The following TBC1D1 variants were observed in gnomAD, a reference collection of about 807,000 sequenced individuals.
TBC1D1 encodes the protein TBC1 (tre-2/USP6, BUB2, cdc16) domain family, member 1.
In TBC1D1, 89 loss-of-function variants were observed where a neutral mutation model predicts 125.6. The ratio of observed to expected loss-of-function variants is 0.71; its 90% CI spans 0.60 to 0.85. The LOEUF is 0.85. TBC1D1 is among the 40% of genes least tolerant of loss of function. The pLI, the probability that TBC1D1 is intolerant of heterozygous loss-of-function variation, is 0.00. For missense variants in TBC1D1, 1,377 were observed against 1,469.2 expected, an observed-to-expected ratio of 0.94 and a Z score of 1.03; for synonymous variants, 565 against 564.1, an observed-to-expected ratio of 1.00 and a Z score of -0.02.
chr4:38,083,693 C>A (rs1029957258), intron 12 of TBC1D1, among the ~76,000 whole-genome samples: 5 of 152,176 alleles, frequency 3.3e-5, no homozygotes, highest in Non-Finnish European at 5.9e-5. Context: ...GGTTGAGTAG[C>A]TAGATCATGG....
At chr4:37,928,403 T>G (rs1171413765) in intron 2 of TBC1D1, among the ~76,000 whole-genome samples, 1 of 152,222 alleles carries the variant, frequency 6.6e-6, no homozygotes, top group African/African-American at 2.4e-5. Flanking sequence ...TTTTCCCTCT[T>G]GGACAGGATA....
intron 19 of TBC1D1, among the ~76,000 whole-genome samples, chr4:38,135,928 G>A (rs1026419022): frequency 7.1e-5 from 9 of 127,112 alleles, no homozygotes; most frequent in Admixed American, 1.5e-4. Context: ...GTGTATATGT[G>A]TGTGTGTGTG....
Position 38,062,846 on chromosome 4 carries a change from A to G in TBC1D1, c.2050+8508A>G, listed in dbSNP as rs148544361. ...GCTAAGGTTATTGGTGACACAAGATAGCACCTGAGCCAGTGCTGCTTGGTA... is the reference window on the plus strand; with the variant it reads ...GCTAAGGTTATTGGTGACACAAGATGGCACCTGAGCCAGTGCTGCTTGGTA... On this transcript the variant is annotated intron_variant, in intron 12 of 19. Transcript: ENST00000261439. 3.1e-3 allele frequency among the ~76,000 whole-genome samples: 468 copies of G among 152,292 alleles called. 3 individuals are homozygous for G. The highest frequency in any genetic ancestry group is 0.011 in the African/African-American group (438 of 41,552).
rs1751068028 is a variant in TBC1D1, at chr4:38,053,207, A to AT, written c.1911-988dup. On this transcript the variant is annotated intron_variant, in intron 11 of 19. Coordinates refer to ENST00000261439, the MANE Select transcript of TBC1D1 (RefSeq NM_015173.4). ...CCTGTAGATGAAAATAACACCTCTG[A>AT]TTTTATGAACACAAAAAGGTAGGGC... 2.0e-6 allele frequency: 3 copies of AT among 1,520,314 alleles called. No individual in the cohort carries two copies. In the South Asian group the frequency reaches 3.9e-5, roughly 20 times the overall value. The allele number at this position is 1,520,314 out of a possible 1,614,324, so 94.2% of individuals were successfully genotyped here.
At chr4:38,117,996 TC>T in intron 16 of TBC1D1, 36 bp from the exon 19 acceptor site, 1 of 1,604,440 alleles carries the variant, frequency 6.2e-7, no homozygotes, top group Admixed American at 1.7e-5. Context: ...CTGTGGCAGA[TC>T]CCTAATTCTC....
At chr4:38,136,574 G>T (rs1186803269) in intron 19 of TBC1D1, among the ~76,000 whole-genome samples, 5 of 152,198 alleles carry the variant, frequency 3.3e-5, no homozygotes, top group African/African-American at 1.2e-4. Context: ...GTATCATTGT[G>T]TTTGTAAAGA....
At chr4:38,134,413 T>TAA (rs77009077) in intron 19 of TBC1D1, among the ~76,000 whole-genome samples, 1 of 151,792 alleles carries the variant, frequency 6.6e-6, no homozygotes, top group African/African-American at 2.4e-5. Flanking sequence ...TTTTTTCCCC[T>TAA]GAGATGTCCT....
chr4:37,900,564 C>T (rs1715740068), intron 1 of TBC1D1, among the ~76,000 whole-genome samples: 1 of 152,010 alleles, frequency 6.6e-6, no homozygotes, highest in Non-Finnish European at 1.5e-5. Flanking sequence ...ACAGATGCAA[C>T]GCCTGCCTTC....
intron 14 of TBC1D1, among the ~76,000 whole-genome samples, chr4:38,098,975 G>A (rs893480641): frequency 3.9e-5 from 6 of 152,192 alleles, no homozygotes; most frequent in Non-Finnish European, 8.8e-5. Context: ...AGATAATTCA[G>A]TTTAGTACAC....
chr4:38,115,827 GT>G lies in TBC1D1; in HGVS notation c.2676del (p.Leu893SerfsTer4). The G allele has an allele frequency of 6.2e-7, 1 of 1,614,178 alleles. No individual in the cohort carries two copies. Among genetic ancestry groups the G allele is most frequent in the Non-Finnish European group, 8.5e-7 (1 of 1,180,044 alleles). ...GACCAGGAAGTGGGATATTGCCAAG[GT>G]CTCAGCTTTGTAGCAGGCATTTTGC... On this transcript the variant is annotated frameshift_variant, in exon 16 of 20. Coordinates refer to ENST00000261439, the MANE Select transcript of TBC1D1 (RefSeq NM_015173.4). LOFTEE classifies it high-confidence loss of function.
intron 2 of TBC1D1, among the ~76,000 whole-genome samples, chr4:37,948,590 T>A (rs1727212390): frequency 6.6e-6 from 1 of 150,806 alleles, no homozygotes. Context: ...TCTCACCCAC[T>A]GCACTCCAGC....
chr4:38,051,991 C>T (rs1750648019), intron 11 of TBC1D1: 13 of 1,550,952 alleles, frequency 8.4e-6, no homozygotes, highest in Admixed American at 3.9e-5. Context: ...TCCGCCTCCT[C>T]GCCAAACTTT....
intron 2 of TBC1D1, chr4:37,996,330 G>A (rs1737789664): frequency 5.1e-6 from 1 of 194,836 alleles, no homozygotes; most frequent in East Asian, 1.2e-4. Context: ...ATGCCAAGGA[G>A]CAATGAATAG....
Position 38,028,686 on chromosome 4 carries a change from T to C in TBC1D1, c.1302+807T>C, listed in dbSNP as rs541948839. 1.1e-3 allele frequency among the ~76,000 whole-genome samples: 163 copies of C among 152,196 alleles called. 1 individual carries two copies. Among genetic ancestry groups the C allele is most frequent in the African/African-American group, 3.9e-3 (160 of 41,524 alleles). The stretch of plus-strand genomic sequence containing the variant: ...AAATGTTAGAATAAGAGAGAAGAAA[T>C]TATAAAATGGAAAGCGCCTCAGGCT... On this transcript the variant is annotated intron_variant, in intron 7 of 19. Coordinates refer to ENST00000261439, the MANE Select transcript of TBC1D1 (RefSeq NM_015173.4).
At chr4:38,029,132 G>T (rs1056997105) in intron 7 of TBC1D1, among the ~76,000 whole-genome samples, 4 of 152,016 alleles carry the variant, frequency 2.6e-5, no homozygotes, top group Admixed American at 2.6e-4. Context: ...TAGCTGAGGG[G>T]CATTTTCGAT....
Position 38,096,102 on chromosome 4 carries a change from T to G in TBC1D1, c.2398+12T>G. On this transcript the variant is annotated intron_variant, in intron 14 of 19. Coordinates refer to ENST00000261439, the MANE Select transcript of TBC1D1 (RefSeq NM_015173.4). Reference sequence around the variant, plus strand: ...GGCTGTTGGGCAAGGTAAGCTTCATTGGGAAGCATCTAGTCAACCTCACCC... The same window carrying G: ...GGCTGTTGGGCAAGGTAAGCTTCATGGGGAAGCATCTAGTCAACCTCACCC... The G allele has an allele frequency of 1.2e-6, 2 of 1,609,406 alleles. No individual in the cohort carries two copies. Among genetic ancestry groups the G allele is most frequent in the Non-Finnish European group, 1.7e-6 (2 of 1,177,392 alleles).
chr4:38,027,817 C>T lies in TBC1D1; in HGVS notation c.1240C>T (p.Leu414=), dbSNP rs1024236701. Residue 414 remains leucine, a synonymous_variant, in exon 7 of 20, where the codon CTG becomes TTG. Transcript: ENST00000261439. Reference sequence around the variant, plus strand: ...GAATTCTTCCAAAACAAAACTAGAACTGCAAAAGCACCTGACGACATTAAC... The same window carrying T: ...GAATTCTTCCAAAACAAAACTAGAATTGCAAAAGCACCTGACGACATTAAC... 6.2e-7 allele frequency: 1 copy of T among 1,613,126 alleles called. No homozygotes were observed. Among genetic ancestry groups the T allele is most frequent in the African/African-American group, 1.3e-5 (1 of 74,790 alleles).
intron 2 of TBC1D1, among the ~76,000 whole-genome samples, chr4:37,924,766 T>C (rs1008381941): frequency 2.6e-5 from 4 of 152,238 alleles, no homozygotes; most frequent in African/African-American, 9.6e-5. Flanking sequence ...TGCTTATCCA[T>C]GTATCTGTCG....
chr4:37,935,184 C>T (rs1037423509), intron 2 of TBC1D1, among the ~76,000 whole-genome samples: 13 of 152,098 alleles, frequency 8.5e-5, no homozygotes, highest in African/African-American at 1.9e-4. Flanking sequence ...TAATATAGTC[C>T]GCCACATGAT....
Sources: allele counts gnomAD v4.1 joint callset (sites outside exome capture counted in the v4.1 genomes callset), GRCh38; gene constraint gnomAD v4.1.1; transcripts MANE v1.5; gene names NCBI Gene and HGNC (gene_info 2026-07-23, HGNC 2026-07-21).